ATAD2B: variants seen among roughly 807,000 people sequenced by gnomAD.
ATAD2B encodes ATPase family AAA domain-containing protein 2B.
ATAD2B carries 40 observed loss-of-function variants against 167.6 expected under a neutral mutation model. That is an observed-to-expected ratio of 0.24 (90% CI 0.19 to 0.31). The LOEUF (loss-of-function observed/expected upper bound fraction) is 0.31, where lower values mean the gene tolerates loss of function less well. ATAD2B is among the 10% of genes least tolerant of loss of function. The pLI, the probability that ATAD2B is intolerant of heterozygous loss-of-function variation, is 1.00. For synonymous variants in ATAD2B, 579 were observed against 596.5 expected (o/e 0.97, Z 0.43); for missense variants, 1,242 against 1,757.2 (o/e 0.71, Z 5.24).
At chr2:23,695,572 G>A in the ATAD2B span, 6 of 1,286,692 alleles carry the variant, frequency 4.7e-6, no homozygotes, top group African/African-American at 1.5e-5. This position sits in a 1 kb window ranked among gnomAD's most constrained non-coding sequence, Gnocchi z 7.6. Flanking sequence ...CCGTCCGGGA[G>A]GTGGCTCTCT....
At chr2:23,880,782 GAA>G (rs749737427) in intron 6 of ATAD2B, 27 bp from the exon 7 acceptor site, 3 of 1,316,944 alleles carry the variant, frequency 2.3e-6, no homozygotes, top group South Asian at 1.2e-5. Flanking sequence ...AAAAAGAAAA[GAA>G]AAAGGCATTA....
chr2:23,854,949 C>A (rs758211383), intron 13 of ATAD2B, among the ~76,000 whole-genome samples: 3 of 152,158 alleles, frequency 2.0e-5, no homozygotes, highest in Admixed American at 6.5e-5. Flanking sequence ...AATCCCAGCA[C>A]TTTGGGAGGC....
At chr2:23,906,213 C>A (rs1016288034) in intron 1 of ATAD2B, among the ~76,000 whole-genome samples, 1 of 151,616 alleles carries the variant, frequency 6.6e-6, no homozygotes, top group Non-Finnish European at 1.5e-5. Context: ...TGGTGGTGGG[C>A]GCCTGTAATC....
At chr2:23,720,130 C>CT in the ATAD2B span, among the ~76,000 whole-genome samples, 2 of 152,184 alleles carry the variant, frequency 1.3e-5, no homozygotes, top group African/African-American at 4.8e-5. Context: ...AGCTCAGGAG[C>CT]AAGATGACTG....
chr2:23,848,354 C>T (rs1692017492), intron 13 of ATAD2B, among the ~76,000 whole-genome samples: 1 of 151,638 alleles, frequency 6.6e-6, no homozygotes. Context: ...GTGGCGTGCA[C>T]CTGCAATTCC....
chr2:23,873,091 T>C, intron 8 of ATAD2B: 1 of 471,636 alleles, frequency 2.1e-6, no homozygotes, highest in South Asian at 2.2e-5. Context: ...AAAAATTATC[T>C]ACTTATTCTT....
chr2:23,815,481 T>C (rs1423470546), intron 17 of ATAD2B, among the ~76,000 whole-genome samples: 2 of 152,204 alleles, frequency 1.3e-5, no homozygotes, highest in Non-Finnish European at 2.9e-5. Flanking sequence ...AGTCCAGCTA[T>C]GTACGGAAAG....
At chr2:23,889,500 T>A (rs894286700) in intron 2 of ATAD2B, among the ~76,000 whole-genome samples, 2 of 152,110 alleles carry the variant, frequency 1.3e-5, no homozygotes, top group Non-Finnish European at 2.9e-5. Flanking sequence ...TTTGCACAAA[T>A]TTTTAATTAA....
chr2:23,868,143 G>C (rs909838751), intron 9 of ATAD2B, among the ~76,000 whole-genome samples, 197 bp from the exon 10 acceptor site: 2 of 151,830 alleles, frequency 1.3e-5, no homozygotes, highest in Non-Finnish European at 2.9e-5. Context: ...TTACTCACTA[G>C]ATAAAGCAAA....
intron 7 of ATAD2B, 77 bp downstream of exon 7, chr2:23,880,562 C>CAA (rs374010112): frequency 5.9e-4 from 408 of 687,268 alleles, no homozygotes; most frequent in Admixed American, 7.1e-4. Flanking sequence ...GACTCTGTCT[C>CAA]AAAAAAAAAA....
At chr2:23,917,941 G>A (rs1035302323) in intron 1 of ATAD2B, among the ~76,000 whole-genome samples, 2 of 151,542 alleles carry the variant, frequency 1.3e-5, no homozygotes, top group South Asian at 2.1e-4. Context: ...GCCTGTAATC[G>A]CAGCTACTCG....
intron 7 of ATAD2B, among the ~76,000 whole-genome samples, chr2:23,880,240 T>C (rs1391763024): frequency 6.6e-6 from 1 of 152,220 alleles, no homozygotes. Context: ...TACTTTGACT[T>C]TCTTTCAGTT....
chr2:23,868,479 G>C (rs1695465736), intron 9 of ATAD2B, among the ~76,000 whole-genome samples: 1 of 152,128 alleles, frequency 6.6e-6, no homozygotes. Context: ...TTTTTATACA[G>C]ACAAGGTCTT....
chr2:23,879,006 T>C (rs1228267282), intron 7 of ATAD2B, among the ~76,000 whole-genome samples: 1 of 152,210 alleles, frequency 6.6e-6, no homozygotes, highest in Non-Finnish European at 1.5e-5. Flanking sequence ...AATCTGAGTA[T>C]ACCAATTGTT....
chr2:23,832,225 A>G (rs1337248824), intron 14 of ATAD2B: 1 of 469,952 alleles, frequency 2.1e-6, no homozygotes, highest in Non-Finnish European at 4.4e-6. Context: ...ACTGCTCTGT[A>G]AGAGAGAAGA....
intron 17 of ATAD2B, 133 bp downstream of exon 17, chr2:23,819,614 C>T: frequency 1.5e-6 from 1 of 683,800 alleles, no homozygotes; most frequent in Non-Finnish European, 2.1e-6. Context: ...TAAAAGTTTT[C>T]CAGAATTGTG....
intron 18 of ATAD2B, among the ~76,000 whole-genome samples, chr2:23,809,763 A>T (rs926062550): frequency 1.3e-5 from 2 of 152,168 alleles, no homozygotes; most frequent in African/African-American, 4.8e-5. Context: ...TAATATATCC[A>T]TGGTTATATA....
chr2:23,884,652 C>T lies in ATAD2B; in HGVS notation c.784+113G>A, dbSNP rs568208124. Reference sequence around the variant, plus strand: ...TTATTTCAAATTATACAATATAGACCTCAAAATCCAAAAACCAACTACTCA... The same window carrying T: ...TTATTTCAAATTATACAATATAGACTTCAAAATCCAAAAACCAACTACTCA... On this transcript the variant is annotated intron_variant, in intron 6 of 27. Transcript: ENST00000238789. The T allele has an allele frequency of 1.9e-5, 10 of 525,826 alleles. No individual in the cohort carries two copies. In the Admixed American group the frequency reaches 2.7e-4, roughly 14 times the overall value. 32.6% of individuals were successfully genotyped at this position (525,826 alleles called of 1,614,324 possible).
chr2:23,770,345 T>TA (rs1678138385), intron 22 of ATAD2B, among the ~76,000 whole-genome samples: 1 of 151,978 alleles, frequency 6.6e-6, no homozygotes, highest in South Asian at 2.1e-4. Context: ...AATAAATAAA[T>TA]AAAAAGATTA....
Sources: allele counts gnomAD v4.1 joint callset (sites outside exome capture counted in the v4.1 genomes callset), GRCh38; gene constraint gnomAD v4.1.1; non-coding constraint Gnocchi (gnomAD v3.1); transcripts MANE v1.5; gene names NCBI Gene and HGNC (gene_info 2026-07-23, HGNC 2026-07-21).